The following LRRK2 variants were observed in gnomAD, a reference collection of about 807,000 sequenced individuals.
The protein encoded by LRRK2 is leucine rich repeat kinase 2.
In LRRK2, 203 loss-of-function variants were observed where a neutral mutation model predicts 302.6. The observed-to-expected ratio is 0.67, with a 90% CI of 0.60 to 0.75. The LOEUF (loss-of-function observed/expected upper bound fraction) is 0.75. LRRK2 is among the 30% of genes least tolerant of loss of function. The pLI, the probability that LRRK2 is intolerant of heterozygous loss-of-function variation, is 0.00. For synonymous variants in LRRK2, 1,066 were observed against 1,031.9 expected, an observed-to-expected ratio of 1.03 and a Z score of -0.63; for missense variants, 2,830 against 2,951.0, an observed-to-expected ratio of 0.96 and a Z score of 0.95.
rs17520634 is a variant in LRRK2, at chr12:40,364,815, T to G, written c.7182-27T>G. The G allele has an allele frequency of 1.6e-4, 243 of 1,530,888 alleles. No homozygotes were observed. In the African/African-American group the frequency reaches 3.0e-3, roughly 19 times the overall value. 94.8% of individuals were successfully genotyped at this position (1,530,888 alleles called of 1,614,324 possible). A position where few individuals can be genotyped will look rare whatever the true frequency, so the allele number is the denominator to read the frequency against. ...ATTTATCTCTTAATTGGTGGTAAAA[T>G]TATTAATGTATACTTTATGGTTCTA... On this transcript the variant is annotated intron_variant, in intron 48 of 50. Transcript: ENST00000298910.
chr12:40,346,760 T>G lies in LRRK2; in HGVS notation c.6117T>G (p.Arg2039=), dbSNP rs1212483848. The change falls in exon 42 of 51, where the codon CGT becomes CGG. Residue 2039 remains arginine, a synonymous_variant. Coordinates refer to ENST00000298910, the MANE Select transcript of LRRK2 (RefSeq NM_198578.4). The part of the protein sequence containing the change: ...IKTSEGTPGF[R]APEVARGNVI... ...TTATCTGCTTACTTTCAGGGTTTCG[T>G]GCACCTGAAGTTGCCAGAGGAAATG... 5 of 1,613,758 alleles carry G rather than the reference T, an allele frequency of 3.1e-6. No homozygotes were observed. Among genetic ancestry groups the G allele is most frequent in the Non-Finnish European group, 4.2e-6 (5 of 1,179,866 alleles).
chr12:40,266,602 CA>C (rs952670929), intron 14 of LRRK2, among the ~76,000 whole-genome samples: 3 of 152,082 alleles, frequency 2.0e-5, no homozygotes, highest in African/African-American at 7.2e-5. Flanking sequence ...GGCGATTCCT[CA>C]GGGATCTAGA....
At chr12:40,277,837 T>C (rs780626943) in intron 16 of LRRK2, 51 bp from the exon 17 acceptor site, 13 of 1,468,998 alleles carry the variant, frequency 8.8e-6, no homozygotes, top group Non-Finnish European at 1.2e-5. Context: ...TACTGTTTAT[T>C]CATTTTGCCT....
At position 40,264,417 on chromosome 12, in the gene LRRK2, G is replaced by A. The variant is rs185010452; in HGVS notation, c.1656+516G>A. Among the ~76,000 whole-genome samples, 9 of 152,222 alleles carry A rather than the reference G, an allele frequency of 5.9e-5. No individual in the cohort carries two copies. The South Asian group carries it at 6.2e-4, about 11-fold the overall frequency. ...GGGTGGATCACGAGGTCAGGAGTTCGAGAGCAACCTGGCCAACATGGTGAA... is the reference window on the plus strand; with the variant it reads ...GGGTGGATCACGAGGTCAGGAGTTCAAGAGCAACCTGGCCAACATGGTGAA... On this transcript the variant is annotated intron_variant, in intron 14 of 50. Transcript: ENST00000298910.
At chr12:40,294,794 C>G (rs1356162723) in intron 21 of LRRK2, 51 bp from the exon 22 acceptor site, 1 of 1,027,658 alleles carries the variant, frequency 9.7e-7, no homozygotes, top group Non-Finnish European at 1.5e-6. Context: ...ATAAAAATGT[C>G]CTCTTCTCCA....
At chr12:40,363,829 T>C (rs1163945590) in intron 48 of LRRK2, among the ~76,000 whole-genome samples, 1 of 152,054 alleles carries the variant, frequency 6.6e-6, no homozygotes, top group Non-Finnish European at 1.5e-5. Context: ...AATGAGCATA[T>C]TGGAGTCTCT....
chr12:40,329,862 GC>G (rs1945664387), intron 39 of LRRK2, among the ~76,000 whole-genome samples: 1 of 152,026 alleles, frequency 6.6e-6, no homozygotes. Flanking sequence ...ATTTTATGTA[GC>G]TTTTTGAGGT....
intron 33 of LRRK2, among the ~76,000 whole-genome samples, chr12:40,317,930 T>C (rs1276582375): frequency 6.6e-6 from 1 of 152,086 alleles, no homozygotes; most frequent in Non-Finnish European, 1.5e-5. Context: ...CCACATGGTA[T>C]TGGCAAGGGT....
intron 47 of LRRK2, among the ~76,000 whole-genome samples, chr12:40,360,144 T>C (rs558954774): frequency 9.9e-5 from 15 of 152,148 alleles, no homozygotes; most frequent in Non-Finnish European, 1.6e-4. Flanking sequence ...CAATAACCTT[T>C]CACATCTTCA....
At position 40,348,408 on chromosome 12, in the gene LRRK2, G is replaced by GATCC; in HGVS notation, c.6282_6285dup (p.Val2096SerfsTer3). 1 of 1,590,456 alleles carries GATCC rather than the reference G, an allele frequency of 6.3e-7. No homozygotes were observed. On this transcript the variant is annotated frameshift_variant and splice_region_variant. Coordinates refer to ENST00000298910, the MANE Select transcript of LRRK2 (RefSeq NM_198578.4). LOFTEE classifies it high-confidence loss of function. ...TAGCATGATGTTTTTTAATGTTTTA[G>GATCC]ATCCAGTTAAAGAATATGGTTGTGC...
rs1350724928 is a variant in LRRK2, at chr12:40,251,184, G to A, written c.959-48G>A. The A allele has an allele frequency of 9.5e-6, 12 of 1,258,446 alleles. No homozygotes were observed. The Admixed American group carries it at 2.5e-4, about 26-fold the overall frequency. 78.0% of individuals were successfully genotyped at this position (1,258,446 alleles called of 1,614,324 possible). A position where few individuals can be genotyped will look rare whatever the true frequency, so the allele number is the denominator to read the frequency against. The stretch of plus-strand genomic sequence containing the variant: ...GACTTAGAGTTGGTCAAACTGTTAA[G>A]TAGATAATATATATAATGTTTTTAT... On this transcript the variant is annotated intron_variant, in intron 8 of 50. Transcript: ENST00000298910.
At chr12:40,361,536 C>G (rs1417855462) in intron 47 of LRRK2, among the ~76,000 whole-genome samples, 5 of 152,020 alleles carry the variant, frequency 3.3e-5, no homozygotes. Flanking sequence ...ATTATACAAG[C>G]CTGAAAACCT....
chr12:40,276,378 C>G (rs981103363), intron 16 of LRRK2, among the ~76,000 whole-genome samples: 1 of 152,106 alleles, frequency 6.6e-6, no homozygotes, highest in Non-Finnish European at 1.5e-5. Context: ...TCACATCACC[C>G]TCCGCCTCCT....
In LRRK2 at chr12:40,240,338, G is replaced by T. The variant is rs112683787; in HGVS notation, c.572-145G>T. 3.0e-5 allele frequency: 23 copies of T among 756,940 alleles called. 2 individuals are homozygous for T. The African/African-American group carries it at 3.5e-4, about 12-fold the overall frequency. The allele number at this position is 756,940 out of a possible 1,614,324, so 46.9% of individuals were successfully genotyped here. A position where few individuals can be genotyped will look rare whatever the true frequency, so the allele number is the denominator to read the frequency against. On this transcript the variant is annotated intron_variant, in intron 5 of 50. Transcript: ENST00000298910. ...TTCTCATTATAACATTCTTAGGAAG[G>T]GCTGCTTCACAGAAATATATTTTTT...
intron 11 of LRRK2, among the ~76,000 whole-genome samples, chr12:40,253,808 G>T: frequency 6.6e-6 from 1 of 152,204 alleles, no homozygotes; most frequent in East Asian, 1.9e-4. Context: ...GTAAACACCA[G>T]TGATCACTTT....
chr12:40,230,040 A>G (rs1170785166), intron 2 of LRRK2, among the ~76,000 whole-genome samples: 1 of 130,766 alleles, frequency 7.6e-6, no homozygotes, highest in Non-Finnish European at 1.6e-5. Context: ...AAAAGTCTTG[A>G]TGTATTCTAT....
chr12:40,353,607 C>T (rs867154761), intron 44 of LRRK2, among the ~76,000 whole-genome samples: 74 of 152,284 alleles, frequency 4.9e-4, no homozygotes, highest in South Asian at 2.7e-3. Context: ...GCTGCAATCT[C>T]GGCACTTTGG....
At chr12:40,228,348 T>A (rs1172102042) in intron 2 of LRRK2, among the ~76,000 whole-genome samples, 1 of 151,412 alleles carries the variant, frequency 6.6e-6, no homozygotes, top group Non-Finnish European at 1.5e-5. Context: ...AAGTTTAGGA[T>A]TTTTTTTTCA....
At chr12:40,336,916 T>C (rs549870446) in intron 40 of LRRK2, among the ~76,000 whole-genome samples, 1 of 152,324 alleles carries the variant, frequency 6.6e-6, no homozygotes, top group Admixed American at 6.5e-5. Context: ...AAGTGAAGAA[T>C]TGCTATTTTT....
Sources: gnomAD v4.1 joint callset for allele counts (sites outside exome capture counted in the v4.1 genomes callset) on GRCh38, gnomAD v4.1.1 for gene constraint, MANE v1.5 for transcripts, NCBI Gene and HGNC (gene_info 2026-07-23, HGNC 2026-07-21) for gene names.